The following FAM78B variants were observed in gnomAD, a reference collection of about 807,000 sequenced individuals.
The protein encoded by FAM78B is family with sequence similarity 78 member B.
A neutral mutation model predicts 20.0 loss-of-function variants in FAM78B; 10 were observed. The ratio of observed to expected loss-of-function variants is 0.50; its 90% CI spans 0.31 to 0.85. The LOEUF (loss-of-function observed/expected upper bound fraction) is 0.85, where lower values mean the gene tolerates loss of function less well. FAM78B is among the 40% of genes least tolerant of loss of function. FAM78B has a pLI of 0.05. For missense variants in FAM78B, 283 were observed against 345.0 expected (o/e 0.82, Z 1.42); for synonymous variants, 135 against 132.8 (o/e 1.02, Z -0.12).
intron 1 of FAM78B, among the ~76,000 whole-genome samples, chr1:166,123,146 T>G (rs776496306): frequency 4.6e-5 from 7 of 152,246 alleles, no homozygotes; most frequent in Non-Finnish European, 7.3e-5. Context: ...AGGCTTTGGT[T>G]GCAAGTGGAG....
At chr1:166,074,442 T>C (rs538495720) in intron 1 of FAM78B, among the ~76,000 whole-genome samples, 4 of 152,378 alleles carry the variant, frequency 2.6e-5, no homozygotes, top group African/African-American at 9.6e-5. Flanking sequence ...CTGTATGTCT[T>C]TCTCATTAGA....
chr1:166,120,622 G>C (rs1654430409), intron 1 of FAM78B, among the ~76,000 whole-genome samples: 1 of 152,220 alleles, frequency 6.6e-6, no homozygotes, highest in African/African-American at 2.4e-5. Flanking sequence ...TTGGATAACA[G>C]GGGTCCTAAA....
intron 1 of FAM78B, among the ~76,000 whole-genome samples, chr1:166,143,798 T>C (rs1271497150): frequency 2.0e-5 from 3 of 152,114 alleles, no homozygotes; most frequent in Admixed American, 6.6e-5. Flanking sequence ...TAAAACACCA[T>C]AACTGACAAT....
chr1:166,121,395 G>A (rs1188849375), intron 1 of FAM78B, among the ~76,000 whole-genome samples: 2 of 152,196 alleles, frequency 1.3e-5, no homozygotes, highest in Non-Finnish European at 2.9e-5. Context: ...AGCAGACCCA[G>A]GGAAAGTGTC....
downstream of FAM78B, among the ~76,000 whole-genome samples, chr1:166,056,716 A>T (rs73033908): frequency 0.042 from 6,366 of 152,328 alleles, 426 homozygotes; most frequent in African/African-American, 0.14. Flanking sequence ...AGGGTGTTCC[A>T]GGAAGAAATG....
intron 1 of FAM78B, among the ~76,000 whole-genome samples, chr1:166,081,770 G>A (rs1652590499): frequency 1.3e-5 from 2 of 152,166 alleles, no homozygotes; most frequent in Admixed American, 6.5e-5. Context: ...GGGGCTGGAG[G>A]TAGAGGTCAG....
At chr1:166,153,153 T>G (rs1028391827) in intron 1 of FAM78B, among the ~76,000 whole-genome samples, 1 of 152,202 alleles carries the variant, frequency 6.6e-6, no homozygotes, top group Non-Finnish European at 1.5e-5. Context: ...ACAGAGTGAC[T>G]CATGGGCTCC....
At chr1:166,083,463 C>G (rs909244041) in intron 1 of FAM78B, among the ~76,000 whole-genome samples, 15 of 152,182 alleles carry the variant, frequency 9.9e-5, no homozygotes, top group Admixed American at 9.8e-4. Flanking sequence ...TTTGGGCTTT[C>G]ATTTCTTATG....
intron 1 of FAM78B, among the ~76,000 whole-genome samples, chr1:166,091,249 T>C (rs1653057866): frequency 6.6e-6 from 1 of 152,040 alleles, no homozygotes. Flanking sequence ...AAAGTCTGGT[T>C]GGGTTGGTGC....
At chr1:166,060,762 A>T in intron 2 of FAM78B, 1 of 679,414 alleles carries the variant, frequency 1.5e-6, no homozygotes, top group Middle Eastern at 3.1e-4. Flanking sequence ...TCTGGGCTCC[A>T]TTAATAGATT....
intron 1 of FAM78B, among the ~76,000 whole-genome samples, chr1:166,135,794 A>G (rs1262320314): frequency 2.6e-5 from 4 of 152,234 alleles, no homozygotes; most frequent in African/African-American, 9.6e-5. Flanking sequence ...TGACTTTGTC[A>G]ACTACGGAAG....
At chr1:166,139,938 T>C (rs1655217558) in intron 1 of FAM78B, among the ~76,000 whole-genome samples, 1 of 152,098 alleles carries the variant, frequency 6.6e-6, no homozygotes, top group African/African-American at 2.4e-5. Context: ...GGTGGCAGCC[T>C]CCCTACTACC....
At chr1:166,083,022 G>C (rs562683463) in intron 1 of FAM78B, among the ~76,000 whole-genome samples, 1 of 152,350 alleles carries the variant, frequency 6.6e-6, no homozygotes, top group South Asian at 2.1e-4. Context: ...GCCCATGGCA[G>C]TAGACTGTAT....
rs1180808248 is a variant in FAM78B, at chr1:166,106,188, G to A, written c.264-35425C>T. Among the ~76,000 whole-genome samples the A allele has an allele frequency of 6.5e-5, 8 of 123,736 alleles. 1 individual carries two copies. The South Asian group carries it at 1.1e-3, about 17-fold the overall frequency. The allele number at this position is 123,736 out of a possible 152,430, so 81.2% of individuals were successfully genotyped here. On this transcript the variant is annotated intron_variant, in intron 1 of 1. Coordinates refer to ENST00000354422, the MANE Select transcript of FAM78B (RefSeq NM_001017961.5). ...ACATGGACACAGGAAGGGGAACATC[G>A]CACACCGGGGCCTGTTGTGGGGTGG... is the stretch of plus-strand genomic sequence containing the variant.
At chr1:166,078,118 G>A (rs749115209) in intron 1 of FAM78B, among the ~76,000 whole-genome samples, 15 of 150,836 alleles carry the variant, frequency 9.9e-5, no homozygotes, top group Non-Finnish European at 1.6e-4. Context: ...TGCAACCTCC[G>A]CCTCTTGGGT....
chr1:166,068,478 A>G (rs1651885562), downstream of FAM78B, among the ~76,000 whole-genome samples: 1 of 152,250 alleles, frequency 6.6e-6, no homozygotes, highest in Non-Finnish European at 1.5e-5. Context: ...TGAAGTTAAC[A>G]CTACATAATT....
At chr1:166,092,669 C>T (rs543973469) in intron 1 of FAM78B, among the ~76,000 whole-genome samples, 3 of 152,272 alleles carry the variant, frequency 2.0e-5, no homozygotes, top group Admixed American at 6.5e-5. Flanking sequence ...CCCTGTGACC[C>T]GAGGGCGTGG....
intron 2 of FAM78B, among the ~76,000 whole-genome samples, chr1:166,062,456 G>A (rs1231178643): frequency 2.6e-5 from 4 of 152,264 alleles, no homozygotes; most frequent in Non-Finnish European, 5.9e-5. Flanking sequence ...CCCTTCTGAT[G>A]AACGTGCCTG....
intron 1 of FAM78B, among the ~76,000 whole-genome samples, chr1:166,134,197 C>T (rs1233169385): frequency 4.0e-5 from 6 of 151,408 alleles, no homozygotes; most frequent in Admixed American, 3.9e-4. Flanking sequence ...AAGCAGTCCC[C>T]CATCCCACCC....
Sources: gnomAD v4.1 joint callset for allele counts (sites outside exome capture counted in the v4.1 genomes callset) on GRCh38, gnomAD v4.1.1 for gene constraint, MANE v1.5 for transcripts, NCBI Gene and HGNC (gene_info 2026-07-23, HGNC 2026-07-21) for gene names.